Variants in BCLAF1 observed in about 807,000 individuals in gnomAD.
The protein encoded by BCLAF1 is BCL2 associated transcription factor 1.
A neutral mutation model predicts 99.5 loss-of-function variants in BCLAF1; 10 were observed. The ratio of observed to expected loss-of-function variants is 0.10; its 90% CI spans 0.06 to 0.17. The LOEUF is 0.17. Among genes scored for constraint, BCLAF1 ranks in the 10% least tolerant of loss-of-function variants. BCLAF1 has a pLI of 1.00. For synonymous variants in BCLAF1, 255 were observed against 370.9 expected (o/e 0.69, Z 3.59); for missense variants, 636 against 1,105.8 (o/e 0.58, Z 6.02).
At position 136,282,600 on chromosome 6, in the gene BCLAF1, A is replaced by G. The variant is rs1342388963; in HGVS notation, c.-27T>C. 1 of 152,210 alleles carries G rather than the reference A, an allele frequency of 6.6e-6. No individual in the cohort carries two copies. The highest frequency in any genetic ancestry group is 1.5e-5 in the Non-Finnish European group (1 of 68,022). The allele number at this position is 152,210 out of a possible 1,614,324, so 9.4% of individuals were successfully genotyped here. On this transcript the variant is annotated 5_prime_UTR_variant, in exon 2 of 13. Coordinates refer to ENST00000531224, the MANE Select transcript of BCLAF1 (RefSeq NM_014739.3). ...CTCTTTTACCTTGGTTTTATGCAGGATCAAGAAGTCAAGTGAAGTCTTTGA... is the reference window on the plus strand; with the variant it reads ...CTCTTTTACCTTGGTTTTATGCAGGGTCAAGAAGTCAAGTGAAGTCTTTGA...
At chr6:136,286,193 C>G (rs1785106524) in intron 1 of BCLAF1, among the ~76,000 whole-genome samples, 1 of 152,208 alleles carries the variant, frequency 6.6e-6, no homozygotes, top group Non-Finnish European at 1.5e-5. Context: ...TTCAAGCATA[C>G]TTGATCCCAG....
chr6:136,272,613 G>A (rs1782688910), intron 7 of BCLAF1, among the ~76,000 whole-genome samples: 1 of 151,880 alleles, frequency 6.6e-6, no homozygotes, highest in Non-Finnish European at 1.5e-5. Context: ...AAACTGGCAT[G>A]ATTATCCACA....
rs983029438 is a variant in BCLAF1 at position 136,259,311 on chromosome 6, T to C, written c.*1799A>G. On this transcript the variant is annotated 3_prime_UTR_variant, in exon 13 of 13. Coordinates refer to ENST00000531224, the MANE Select transcript of BCLAF1 (RefSeq NM_014739.3). The stretch of plus-strand genomic sequence containing the variant: ...ATAATTTCTCAGATCCCCTTTTACC[T>C]ATTGTCTTAAGTGGATAAGCACATA... 6.6e-6 allele frequency: 1 copy of C among 152,080 alleles called. No individual in the cohort carries two copies. 9.4% of individuals were successfully genotyped at this position (152,080 alleles called of 1,614,324 possible).
intron 11 of BCLAF1, among the ~76,000 whole-genome samples, chr6:136,265,303 C>T (rs141423349): frequency 5.4e-4 from 82 of 152,254 alleles, no homozygotes; most frequent in African/African-American, 1.9e-3. Context: ...ATCCACTGGA[C>T]AGCTCCATTT....
At chr6:136,273,052 T>A in intron 7 of BCLAF1, 30 bp downstream of exon 7, 3 of 1,548,200 alleles carry the variant, frequency 1.9e-6, no homozygotes, top group Non-Finnish European at 2.6e-6. Flanking sequence ...AAAACAACGT[T>A]TTTATATGCC....
intron 2 of BCLAF1, 83 bp from the exon 3 acceptor site, chr6:136,279,959 A>ATT: frequency 7.8e-7 from 1 of 1,287,236 alleles, no homozygotes; most frequent in Non-Finnish European, 9.9e-7. Flanking sequence ...TTCAGATAAA[A>ATT]TTTGATTTTT....
chr6:136,268,510 C>T lies in BCLAF1; in HGVS notation c.2220-171G>A, dbSNP rs992046366. ...GACACAGTCTGTTTCCATTCTCCTT[C>T]AATATGTGTTTTACATCAATAATGA... On this transcript the variant is annotated intron_variant, in intron 9 of 12. Coordinates refer to ENST00000531224, the MANE Select transcript of BCLAF1 (RefSeq NM_014739.3). 4 of 639,990 alleles carry T rather than the reference C, an allele frequency of 6.3e-6. No individual in the cohort carries two copies. The East Asian group carries it at 8.6e-5, about 14-fold the overall frequency. The allele number at this position is 639,990 out of a possible 1,614,324, so 39.6% of individuals were successfully genotyped here. A position where few individuals can be genotyped will look rare whatever the true frequency, so the allele number is the denominator to read the frequency against.
intron 1 of BCLAF1, among the ~76,000 whole-genome samples, chr6:136,288,519 C>A (rs551005391): frequency 1.1e-4 from 17 of 152,294 alleles, no homozygotes; most frequent in African/African-American, 3.6e-4. Flanking sequence ...ACAAGAGGAA[C>A]AAGAAATTTT....
chr6:136,257,408 A>C lies in BCLAF1; in HGVS notation c.*3702T>G, dbSNP rs1382970739. 1 of 152,216 alleles carries C rather than the reference A, an allele frequency of 6.6e-6. No individual in the cohort carries two copies. The highest frequency in any genetic ancestry group is 1.5e-5 in the Non-Finnish European group (1 of 68,020). The allele number at this position is 152,216 out of a possible 1,614,324, so 9.4% of individuals were successfully genotyped here. Reference sequence around the variant, plus strand: ...AATGTACAAGTTTGGTCTCATTACCATCATTGACACAAGTTAATCATTACT... The same window carrying C: ...AATGTACAAGTTTGGTCTCATTACCCTCATTGACACAAGTTAATCATTACT... On this transcript the variant is annotated 3_prime_UTR_variant, in exon 13 of 13. Coordinates refer to ENST00000531224, the MANE Select transcript of BCLAF1 (RefSeq NM_014739.3).
chr6:136,287,482 TAAC>T (rs1054383044), intron 1 of BCLAF1, among the ~76,000 whole-genome samples: 2 of 152,136 alleles, frequency 1.3e-5, no homozygotes, highest in African/African-American at 4.8e-5. Context: ...TATAAACAAT[TAAC>T]AAATTCATAT....
intron 1 of BCLAF1, among the ~76,000 whole-genome samples, chr6:136,287,055 A>C (rs1251576538): frequency 6.6e-6 from 1 of 151,454 alleles, no homozygotes; most frequent in East Asian, 1.9e-4. Flanking sequence ...CACAAGAATC[A>C]CTTCAACCTG....
rs1780539452 is a variant in BCLAF1, at chr6:136,257,728, A to G, written c.*3382T>C. The stretch of plus-strand genomic sequence containing the variant: ...GCCAAATTAATCCCAATGACAATGA[A>G]GTTTATTCCTCCATTTGCCTTTCCT... On this transcript the variant is annotated 3_prime_UTR_variant, in exon 13 of 13. Coordinates refer to ENST00000531224, the MANE Select transcript of BCLAF1 (RefSeq NM_014739.3). 6.6e-6 allele frequency: 1 copy of G among 152,132 alleles called. No individual in the cohort carries two copies. Among genetic ancestry groups the G allele is most frequent in the African/African-American group, 2.4e-5 (1 of 41,446 alleles). 9.4% of individuals were successfully genotyped at this position (152,132 alleles called of 1,614,324 possible). A position where few individuals can be genotyped will look rare whatever the true frequency, so the allele number is the denominator to read the frequency against.
rs1270362739 is a variant in BCLAF1 at position 136,258,489 on chromosome 6, C to G, written c.*2621G>C. 6.6e-6 allele frequency: 1 copy of G among 152,474 alleles called. No individual in the cohort carries two copies. Among genetic ancestry groups the G allele is most frequent in the African/African-American group, 2.4e-5 (1 of 41,434 alleles). The allele number at this position is 152,474 out of a possible 1,614,324, so 9.4% of individuals were successfully genotyped here. A position where few individuals can be genotyped will look rare whatever the true frequency, so the allele number is the denominator to read the frequency against. On this transcript the variant is annotated 3_prime_UTR_variant, in exon 13 of 13. Coordinates refer to ENST00000531224, the MANE Select transcript of BCLAF1 (RefSeq NM_014739.3). ...TTTATAAAGCATTTATCAAGCCTTA[C>G]CACACCAGTAATCTTCCTAACAGAT...
rs770590143 is a variant in BCLAF1, at chr6:136,261,135, T to C, written c.2758-20A>G. On this transcript the variant is annotated intron_variant, in intron 12 of 12. Coordinates refer to ENST00000531224, the MANE Select transcript of BCLAF1 (RefSeq NM_014739.3). Reference sequence around the variant, plus strand: ...TTATTCCTAAAAGAGAGAGAAAAAATTAAAGATTAACAAAAGATGCGGAGA... The same window carrying C: ...TTATTCCTAAAAGAGAGAGAAAAAACTAAAGATTAACAAAAGATGCGGAGA... 1.9e-6 allele frequency: 3 copies of C among 1,575,096 alleles called. No homozygotes were observed. Among genetic ancestry groups the C allele is most frequent in the Admixed American group, 3.7e-5 (2 of 53,396 alleles).
chr6:136,285,698 GGTTTT>G (rs1380330097), intron 1 of BCLAF1, among the ~76,000 whole-genome samples: 2 of 152,060 alleles, frequency 1.3e-5, no homozygotes, highest in Admixed American at 6.5e-5. Flanking sequence ...AAATAAAGCA[GGTTTT>G]ATTTTTAAAA....
At chr6:136,269,889 T>C (rs542070837) in intron 8 of BCLAF1, 13 of 256,896 alleles carry the variant, frequency 5.1e-5, no homozygotes, top group Non-Finnish European at 7.3e-5. Flanking sequence ...AAACAATCTA[T>C]AATAAATTTT....
chr6:136,285,695 G>A (rs1017731480), intron 1 of BCLAF1, among the ~76,000 whole-genome samples: 3 of 152,110 alleles, frequency 2.0e-5, no homozygotes, highest in African/African-American at 7.2e-5. Context: ...ATAAAATAAA[G>A]CAGGTTTTAT....
chr6:136,284,935 A>G (rs1253614646), intron 1 of BCLAF1, among the ~76,000 whole-genome samples: 1 of 152,178 alleles, frequency 6.6e-6, no homozygotes, highest in South Asian at 2.1e-4. Flanking sequence ...ATTTGGGCCT[A>G]AAGACAGGGA....
At chr6:136,283,307 T>C (rs1177387054) in intron 1 of BCLAF1, among the ~76,000 whole-genome samples, 2 of 152,082 alleles carry the variant, frequency 1.3e-5, no homozygotes, top group African/African-American at 4.8e-5. Flanking sequence ...TTTCACACAA[T>C]TTAGTTTCAT....
Sources: gnomAD v4.1 joint callset for allele counts (sites outside exome capture counted in the v4.1 genomes callset) on GRCh38, gnomAD v4.1.1 for gene constraint, MANE v1.5 for transcripts, NCBI Gene and HGNC (gene_info 2026-07-23, HGNC 2026-07-21) for gene names.